SLC25A12: variants seen among roughly 807,000 people sequenced by gnomAD.
SLC25A12 encodes solute carrier family 25 member 12, also known as electrogenic aspartate/glutamate antiporter SLC25A12, mitochondrial.
In SLC25A12, 32 loss-of-function variants were observed where a neutral mutation model predicts 83.3. The observed-to-expected ratio is 0.38, with a 90% CI of 0.29 to 0.52. SLC25A12 has a LOEUF of 0.52. SLC25A12 is among the 20% of genes least tolerant of loss of function. The probability of loss-of-function intolerance (pLI) is 0.84; values close to 1 mark genes in which losing one functional copy is unlikely to be tolerated. For missense variants in SLC25A12, 611 were observed against 835.6 expected (o/e 0.73, Z 3.31); for synonymous variants, 267 against 291.1 (o/e 0.92, Z 0.84).
At chr2:171,828,555 CTGCCCTT>C (rs1294035983) in intron 8 of SLC25A12, among the ~76,000 whole-genome samples, 2 of 152,174 alleles carry the variant, frequency 1.3e-5, no homozygotes, top group African/African-American at 4.8e-5. Flanking sequence ...ATAGAATGGC[CTGCCCTT>C]ACACAGGGTC....
rs573390334 is a variant in SLC25A12, at chr2:171,785,985, T to C, written c.1836-510A>G. Reference sequence around the variant, plus strand: ...CCAAATTTTCTGCACTTAGCACATATGAAAGTAATTTTTAAAGTATATATT... The same window carrying C: ...CCAAATTTTCTGCACTTAGCACATACGAAAGTAATTTTTAAAGTATATATT... On this transcript the variant is annotated intron_variant, in intron 17 of 17. Transcript: ENST00000422440. Among the ~76,000 whole-genome samples the C allele has an allele frequency of 5.9e-5, 9 of 152,178 alleles. No homozygotes were observed. The South Asian group carries it at 1.7e-3, about 28-fold the overall frequency.
chr2:171,844,119 G>C (rs1684743083), intron 5 of SLC25A12, among the ~76,000 whole-genome samples: 1 of 152,116 alleles, frequency 6.6e-6, no homozygotes, highest in Admixed American at 6.6e-5. Context: ...CTATAGTTAG[G>C]ATACAATTAA....
At chr2:171,868,886 A>T in intron 2 of SLC25A12, 63 bp from the exon 3 acceptor site, 1 of 1,387,950 alleles carries the variant, frequency 7.2e-7, no homozygotes, top group Non-Finnish European at 1.0e-6. Context: ...TATCCAATAA[A>T]TGGTTTGTGA....
rs543608774 is a variant in SLC25A12 at position 171,846,835 on chromosome 2, G to A, written c.326-2327C>T. Among the ~76,000 whole-genome samples, 7 of 152,186 alleles carry A rather than the reference G, an allele frequency of 4.6e-5. No homozygotes were observed. In the South Asian group the frequency reaches 1.5e-3, roughly 32 times the overall value. On this transcript the variant is annotated intron_variant, in intron 4 of 17. Coordinates refer to ENST00000422440, the MANE Select transcript of SLC25A12 (RefSeq NM_003705.5). ...AAAAAGTTTCTATTATCACAAAAAGGATATTTATGAACTAAATTTATAATG... is the reference window on the plus strand; with the variant it reads ...AAAAAGTTTCTATTATCACAAAAAGAATATTTATGAACTAAATTTATAATG...
chr2:171,888,388 C>T (rs1032554681), intron 2 of SLC25A12, among the ~76,000 whole-genome samples: 3 of 151,298 alleles, frequency 2.0e-5, no homozygotes, highest in Non-Finnish European at 2.9e-5. Context: ...TATGAGCTGC[C>T]GCACCCAGCT....
chr2:171,842,693 C>T (rs1684704343), intron 5 of SLC25A12, among the ~76,000 whole-genome samples: 1 of 152,104 alleles, frequency 6.6e-6, no homozygotes, highest in African/African-American at 2.4e-5. Context: ...GTTGCCAGAG[C>T]TCAGGGGAAA....
intron 4 of SLC25A12, among the ~76,000 whole-genome samples, chr2:171,845,408 TAAG>T (rs1355728763): frequency 2.0e-5 from 3 of 152,014 alleles, no homozygotes; most frequent in Admixed American, 1.3e-4. Context: ...TGAACAAAGT[TAAG>T]AAAGCAGGAA....
intron 4 of SLC25A12, chr2:171,852,590 T>G (rs1040139968): frequency 4.7e-6 from 2 of 426,238 alleles, no homozygotes; most frequent in African/African-American, 4.1e-5. Context: ...ATCTAAAATT[T>G]CCTTTTACCT....
intron 2 of SLC25A12, among the ~76,000 whole-genome samples, chr2:171,888,348 C>A (rs1013655473): frequency 1.1e-4 from 17 of 151,844 alleles, no homozygotes; most frequent in Non-Finnish European, 2.9e-5. Flanking sequence ...ATCCTCCCAC[C>A]TCAGCCTCGC....
At chr2:171,840,748 T>G (rs1684656917) in intron 5 of SLC25A12, among the ~76,000 whole-genome samples, 2 of 152,064 alleles carry the variant, frequency 1.3e-5, no homozygotes, top group South Asian at 2.1e-4. Context: ...TAATAAAATT[T>G]TCAAGAATTG....
At chr2:171,846,978 G>A (rs1209615490) in intron 4 of SLC25A12, among the ~76,000 whole-genome samples, 1 of 152,068 alleles carries the variant, frequency 6.6e-6, no homozygotes, top group Non-Finnish European at 1.5e-5. Context: ...TAAAATGATG[G>A]TCTAAATTAG....
At chr2:171,850,337 GTTTTTTTTTTTTTTT>G (rs55922545) in intron 4 of SLC25A12, among the ~76,000 whole-genome samples, 3 of 56,164 alleles carry the variant, frequency 5.3e-5, no homozygotes, top group African/African-American at 2.1e-4. Context: ...GCTGGTCTTT[GTTTTTTTTTTTTTTT>G]TTTTTTTTTT....
intron 13 of SLC25A12, among the ~76,000 whole-genome samples, chr2:171,808,873 G>T (rs907203980): frequency 8.5e-5 from 11 of 129,652 alleles, no homozygotes; most frequent in African/African-American, 3.2e-4. Context: ...CCCCATGACA[G>T]GCCCCAGTGT....
intron 6 of SLC25A12, among the ~76,000 whole-genome samples, chr2:171,836,075 C>G (rs952788007): frequency 6.6e-6 from 1 of 152,124 alleles, no homozygotes; most frequent in Non-Finnish European, 1.5e-5. Flanking sequence ...CCCTCCCTTT[C>G]TCTCTTTCTC....
rs937723342 is a variant in SLC25A12, at chr2:171,814,959, G to A, written c.1012+162C>T. 35 of 658,416 alleles carry A rather than the reference G, an allele frequency of 5.3e-5. No individual in the cohort carries two copies. The East Asian group carries it at 6.6e-4, about 12-fold the overall frequency. 40.8% of individuals were successfully genotyped at this position (658,416 alleles called of 1,614,324 possible). ...GCCAGATGGTCATAGCCATTGCTAC[G>A]ACAAGTCTCCTGATCATAGGTAAAA... On this transcript the variant is annotated intron_variant, in intron 10 of 17. Coordinates refer to ENST00000422440, the MANE Select transcript of SLC25A12 (RefSeq NM_003705.5).
At chr2:171,849,908 T>C (rs1451048261) in intron 4 of SLC25A12, among the ~76,000 whole-genome samples, 1 of 151,472 alleles carries the variant, frequency 6.6e-6, no homozygotes, top group African/African-American at 2.4e-5. Context: ...TTCAAGAGAT[T>C]ATCCCACCTC....
intron 9 of SLC25A12, among the ~76,000 whole-genome samples, chr2:171,825,169 T>G (rs139928476): frequency 4.1e-4 from 63 of 152,304 alleles, no homozygotes; most frequent in African/African-American, 1.4e-3. Context: ...GAAGCTAAAT[T>G]GCAATGAGTT....
chr2:171,833,900 C>G, intron 8 of SLC25A12, 63 bp downstream of exon 8: 1 of 960,096 alleles, frequency 1.0e-6, no homozygotes, highest in Non-Finnish European at 1.7e-6. Context: ...AAAAGGACAC[C>G]ACTGCTTCAC....
chr2:171,844,905 T>C (rs1684760719), intron 4 of SLC25A12, among the ~76,000 whole-genome samples: 1 of 152,156 alleles, frequency 6.6e-6, no homozygotes, highest in Admixed American at 6.5e-5. Flanking sequence ...AATTACAGTA[T>C]AATGCAATAT....
Sources: gnomAD v4.1 joint callset for allele counts (sites outside exome capture counted in the v4.1 genomes callset) on GRCh38, gnomAD v4.1.1 for gene constraint, MANE v1.5 for transcripts, NCBI Gene and HGNC (gene_info 2026-07-23, HGNC 2026-07-21) for gene names.